Variants in CORO2A observed in about 807,000 individuals in gnomAD.
CORO2A encodes the protein coronin-2A.
In CORO2A, 47 loss-of-function variants were observed where a neutral mutation model predicts 62.4. That is an observed-to-expected ratio of 0.75 (90% CI 0.60 to 0.96). The LOEUF (loss-of-function observed/expected upper bound fraction) is 0.96, where lower values mean the gene tolerates loss of function less well. CORO2A is among the 40% of genes least tolerant of loss of function. The probability of loss-of-function intolerance (pLI) is 0.00; values close to 1 mark genes in which losing one functional copy is unlikely to be tolerated. For missense variants in CORO2A, 610 were observed against 684.1 expected, an observed-to-expected ratio of 0.89 and a Z score of 1.21; for synonymous variants, 273 against 268.9, an observed-to-expected ratio of 1.02 and a Z score of -0.15.
At chr9:98,157,880 C>T (rs1200089278) in intron 1 of CORO2A, among the ~76,000 whole-genome samples, 1 of 152,218 alleles carries the variant, frequency 6.6e-6, no homozygotes, top group Non-Finnish European at 1.5e-5. Flanking sequence ...ATAGCTATTA[C>T]TGACCTGCTT....
intron 2 of CORO2A, among the ~76,000 whole-genome samples, chr9:98,157,157 G>A (rs906747111): frequency 2.6e-5 from 4 of 152,118 alleles, no homozygotes; most frequent in African/African-American, 9.7e-5. Flanking sequence ...CCAATTTCCT[G>A]TAATCCCAGT....
Position 98,177,685 on chromosome 9 carries a change from T to G in CORO2A, c.-1+14874A>C, listed in dbSNP as rs141438467. The stretch of plus-strand genomic sequence containing the variant: ...GGTTTCACCATGTTGGCCTGGCTGG[T>G]CTCGAACTCCTGACCTCAGGTGATC... On this transcript the variant is annotated intron_variant, in intron 1 of 11. Transcript: ENST00000375077. 5.3e-4 allele frequency among the ~76,000 whole-genome samples: 80 copies of G among 151,556 alleles called. No homozygotes were observed. In the East Asian group the frequency reaches 0.015, roughly 28 times the overall value.
intron 1 of CORO2A, among the ~76,000 whole-genome samples, chr9:98,177,386 C>T (rs773307499): frequency 5.3e-5 from 8 of 150,524 alleles, no homozygotes; most frequent in African/African-American, 1.2e-4. Context: ...TGATCACAAA[C>T]GTGGTGGCGT....
At chr9:98,125,524 T>C (rs1261717992) in intron 11 of CORO2A, among the ~76,000 whole-genome samples, 1 of 152,128 alleles carries the variant, frequency 6.6e-6, no homozygotes, top group Non-Finnish European at 1.5e-5. Context: ...ACAGACTGAC[T>C]TCCAGGGCTG....
chr9:98,162,448 C>CTGT (rs1827898842), intron 1 of CORO2A, among the ~76,000 whole-genome samples: 1 of 152,200 alleles, frequency 6.6e-6, no homozygotes, highest in East Asian at 1.9e-4. Flanking sequence ...GCCCTTCTGT[C>CTGT]CGTCCCCCAA....
intron 1 of CORO2A, among the ~76,000 whole-genome samples, chr9:98,171,961 C>A (rs879072455): frequency 5.9e-4 from 90 of 152,164 alleles, no homozygotes; most frequent in African/African-American, 2.1e-3. Context: ...GCCTGGGAAA[C>A]GATTTCTTTC....
chr9:98,156,049 A>ATTTTTTTTTT (rs56931336), intron 2 of CORO2A, among the ~76,000 whole-genome samples: 3 of 119,052 alleles, frequency 2.5e-5, no homozygotes, highest in Admixed American at 9.1e-5. Flanking sequence ...CTTTGTTTGA[A>ATTTTTTTTTT]TTTTTTTTTT....
chr9:98,157,686 GTATGAGGCTCACTGCCCTGATCATGGGA>G (rs754021079), intron 1 of CORO2A, 26 bp from the exon 2 acceptor site: 2 of 1,595,254 alleles, frequency 1.3e-6, no homozygotes, highest in South Asian at 2.3e-5. Flanking sequence ...GGGACAAAGG[GTATGAGGCTCACTGCCCTGATCATGGGA>G]CACACAGAGC....
intron 1 of CORO2A, among the ~76,000 whole-genome samples, chr9:98,182,045 G>A (rs555105714): frequency 4.6e-5 from 7 of 152,188 alleles, no homozygotes; most frequent in Admixed American, 1.3e-4. Flanking sequence ...CCCGGACTCA[G>A]CACATTCTCT....
chr9:98,170,368 G>A (rs1477497357), intron 1 of CORO2A, among the ~76,000 whole-genome samples: 3 of 152,222 alleles, frequency 2.0e-5, no homozygotes, highest in African/African-American at 7.2e-5. Context: ...TCCTTGAGGT[G>A]GTAGGAGCCA....
intron 2 of CORO2A, among the ~76,000 whole-genome samples, chr9:98,156,198 C>T (rs1263529170): frequency 1.3e-5 from 2 of 151,876 alleles, no homozygotes; most frequent in African/African-American, 4.8e-5. Context: ...TGCCCTCATG[C>T]CCAGTTAATT....
At chr9:98,183,601 G>A (rs1564220776) in intron 1 of CORO2A, among the ~76,000 whole-genome samples, 1 of 152,040 alleles carries the variant, frequency 6.6e-6, no homozygotes, top group Non-Finnish European at 1.5e-5. Flanking sequence ...AACCTCAGAT[G>A]GAAAATATTC....
intron 2 of CORO2A, among the ~76,000 whole-genome samples, chr9:98,155,017 T>C (rs1827783533): frequency 6.6e-6 from 1 of 152,216 alleles, no homozygotes; most frequent in African/African-American, 2.4e-5. Context: ...AAAACAGGTG[T>C]GCCAGTTTAC....
rs185977538 is a variant in CORO2A at position 98,151,870 on chromosome 9, A to G, written c.201+5590T>C. On this transcript the variant is annotated intron_variant, in intron 2 of 11. Transcript: ENST00000375077. ...TTCGCTCTGTCGCCCAGGCTGGAGT[A>G]CAGTGGCGCGATCTCGACTCACTGC... 8.9e-3 allele frequency among the ~76,000 whole-genome samples: 1,301 copies of G among 145,660 alleles called. 18 individuals are homozygous for G. The highest frequency in any genetic ancestry group is 0.031 in the African/African-American group (1,196 of 38,482).
In CORO2A at chr9:98,124,826, T is replaced by C. The variant is rs776771810; in HGVS notation, c.1526A>G (p.Lys509Arg). ...ELLTQREVQA[K>R]QLELEIKNLR... ...GTTTTTGATCTCCAGTTCCAACTGT[T>C]TGGCCTGGACCTCTCGCTGGGTCAA... The change falls in exon 12 of 12, where the codon AAA becomes AGA. Residue 509 changes from lysine to arginine, a missense_variant. Transcript: ENST00000375077. 4.3e-6 allele frequency: 7 copies of C among 1,609,558 alleles called. No homozygotes were observed. Among genetic ancestry groups the C allele is most frequent in the Non-Finnish European group, 5.9e-6 (7 of 1,177,758 alleles).
chr9:98,176,385 C>A (rs1588013932), intron 1 of CORO2A, among the ~76,000 whole-genome samples: 1 of 152,190 alleles, frequency 6.6e-6, no homozygotes. Flanking sequence ...ATGGTTTTGG[C>A]TCGTACCAGT....
At chr9:98,190,784 C>CA (rs1188147488) in intron 1 of CORO2A, among the ~76,000 whole-genome samples, 1 of 152,196 alleles carries the variant, frequency 6.6e-6, no homozygotes, top group African/African-American at 2.4e-5. Context: ...GTCGAGATGA[C>CA]AGGAGACCCA....
chr9:98,183,246 C>A (rs1828199738), intron 1 of CORO2A, among the ~76,000 whole-genome samples: 1 of 152,240 alleles, frequency 6.6e-6, no homozygotes, highest in Non-Finnish European at 1.5e-5. Flanking sequence ...CACAGTTGGA[C>A]AGTTTGGTCA....
At chr9:98,146,144 G>A (rs1169037256) in intron 2 of CORO2A, among the ~76,000 whole-genome samples, 1 of 152,190 alleles carries the variant, frequency 6.6e-6, no homozygotes, top group Non-Finnish European at 1.5e-5. Context: ...TTCCAGGGCT[G>A]ACCCCCAGGG....
Sources: allele counts gnomAD v4.1 joint callset (sites outside exome capture counted in the v4.1 genomes callset), GRCh38; gene constraint gnomAD v4.1.1; transcripts MANE v1.5; gene names NCBI Gene and HGNC (gene_info 2026-07-23, HGNC 2026-07-21).